HPSE2: variants seen among roughly 807,000 people sequenced by gnomAD.
The protein encoded by HPSE2 is inactive heparanase-2.
In HPSE2, 38 loss-of-function variants were observed where a neutral mutation model predicts 60.5. The observed-to-expected ratio is 0.63, with a 90% CI of 0.48 to 0.82. The LOEUF is 0.82. HPSE2 is among the 40% of genes least tolerant of loss of function. The pLI, the probability that HPSE2 is intolerant of heterozygous loss-of-function variation, is 0.00. For missense variants in HPSE2, 713 were observed against 740.4 expected (o/e 0.96, Z 0.43); for synonymous variants, 295 against 293.2 (o/e 1.01, Z -0.06).
chr10:98,610,508 C>T (rs532526732), intron 9 of HPSE2, among the ~76,000 whole-genome samples: 19 of 152,306 alleles, frequency 1.2e-4, no homozygotes, highest in South Asian at 4.1e-4. Flanking sequence ...TGACCAATGA[C>T]TATACTCCAG....
intron 9 of HPSE2, among the ~76,000 whole-genome samples, chr10:98,517,957 A>G (rs1297972860): frequency 2.0e-5 from 3 of 152,200 alleles, no homozygotes; most frequent in Non-Finnish European, 4.4e-5. Flanking sequence ...TCTTCCTTCA[A>G]TGCTTGATTA....
At chr10:98,772,127 G>C (rs1222587643) in intron 3 of HPSE2, among the ~76,000 whole-genome samples, 3 of 152,100 alleles carry the variant, frequency 2.0e-5, no homozygotes, top group Non-Finnish European at 4.4e-5. Context: ...AGGTGTCGGT[G>C]CTTAACTTCC....
chr10:99,164,823 C>T (rs1250589244), intron 2 of HPSE2, among the ~76,000 whole-genome samples: 3 of 152,038 alleles, frequency 2.0e-5, no homozygotes, highest in East Asian at 1.9e-4. Flanking sequence ...AGGTGGCTCA[C>T]GCCTGTAATC....
the HPSE2 span, among the ~76,000 whole-genome samples, chr10:99,247,296 A>C: frequency 6.6e-6 from 1 of 152,254 alleles, no homozygotes; most frequent in Non-Finnish European, 1.5e-5. Context: ...CAGGAAAACA[A>C]TCTTAGTAAG....
At chr10:99,290,269 G>T in the HPSE2 span, among the ~76,000 whole-genome samples, 38 of 152,132 alleles carry the variant, frequency 2.5e-4, no homozygotes, top group African/African-American at 8.9e-4. Context: ...GAGTGAAAAA[G>T]CTTGGAGCTT....
intron 3 of HPSE2, among the ~76,000 whole-genome samples, chr10:98,816,139 T>G (rs1245637043): frequency 1.3e-5 from 2 of 151,958 alleles, no homozygotes; most frequent in Non-Finnish European, 2.9e-5. Context: ...GTTACAAACC[T>G]GCATGTTGTG....
chr10:99,232,214 T>TGCATAC lies in HPSE2; in HGVS notation c.448+133_448+134insGTATGC, dbSNP rs766277741. 7.9e-4 allele frequency: 709 copies of TGCATAC among 898,250 alleles called. 3 individuals carry two copies. In the African/African-American group the frequency reaches 0.01, roughly 13 times the overall value. The allele number at this position is 898,250 out of a possible 1,614,324, so 55.6% of individuals were successfully genotyped here. A position where few individuals can be genotyped will look rare whatever the true frequency, so the allele number is the denominator to read the frequency against. On this transcript the variant is annotated intron_variant, in intron 2 of 11. Coordinates refer to ENST00000370552, the MANE Select transcript of HPSE2 (RefSeq NM_021828.5). ...ATCTGCCCCAACGCGCGCGCGCGCA[T>TGCATAC]ACACACACACACACACACACACACA...
Position 98,938,914 on chromosome 10 carries a change from G to A in HPSE2, c.611-194858C>T, listed in dbSNP as rs1188708030. Among the ~76,000 whole-genome samples the A allele has an allele frequency of 2.1e-5, 3 of 144,232 alleles. 1 individual carries two copies. The highest frequency in any genetic ancestry group is 8.4e-5 in the African/African-American group (3 of 35,520). 94.6% of individuals were successfully genotyped at this position (144,232 alleles called of 152,430 possible). On this transcript the variant is annotated intron_variant, in intron 3 of 11. Coordinates refer to ENST00000370552, the MANE Select transcript of HPSE2 (RefSeq NM_021828.5). ...GGCAGAAACTCTACAAGCCAGAAGA[G>A]AGTGGGAGCCAATATTCAACATTCT...
intron 3 of HPSE2, among the ~76,000 whole-genome samples, chr10:98,996,853 C>G (rs1956651630): frequency 6.6e-6 from 1 of 152,054 alleles, no homozygotes. Context: ...TGAGTGGTTG[C>G]TTAGAATTGG....
At chr10:98,717,606 G>A (rs937162829) in intron 5 of HPSE2, among the ~76,000 whole-genome samples, 18 of 151,942 alleles carry the variant, frequency 1.2e-4, no homozygotes, top group Non-Finnish European at 2.2e-4. Context: ...AGAGAGATGC[G>A]AGAATGGCTG....
At chr10:99,191,756 A>C (rs557814480) in intron 2 of HPSE2, among the ~76,000 whole-genome samples, 1 of 152,344 alleles carries the variant, frequency 6.6e-6, no homozygotes, top group South Asian at 2.1e-4. Flanking sequence ...CATCCAGGAA[A>C]ATATGACCTC....
At chr10:98,688,461 A>ATTTTTTTTTTTTTT (rs1177094247) in intron 6 of HPSE2, among the ~76,000 whole-genome samples, 1 of 50,058 alleles carries the variant, frequency 2.0e-5, no homozygotes, top group Non-Finnish European at 4.8e-5. Flanking sequence ...TTCCTTTAGC[A>ATTTTTTTTTTTTTT]TTTCTTTTTT....
At position 98,795,019 on chromosome 10, in the gene HPSE2, A is replaced by AAG. The variant is rs1554996928; in HGVS notation, c.611-50964_611-50963insCT. 5.0e-4 allele frequency among the ~76,000 whole-genome samples: 28 copies of AAG among 56,150 alleles called. 1 individual carries two copies. Among genetic ancestry groups the AAG allele is most frequent in the African/African-American group, 2.0e-3 (24 of 12,126 alleles). 36.8% of individuals were successfully genotyped at this position (56,150 alleles called of 152,430 possible). On this transcript the variant is annotated intron_variant, in intron 3 of 11. Coordinates refer to ENST00000370552, the MANE Select transcript of HPSE2 (RefSeq NM_021828.5). ...GGGGAGGGAGGAAGGAGAGAGAGAGAGAAGGAAGGAAGGAAGGAAGGAAGG... is the reference window on the plus strand; with the variant it reads ...GGGGAGGGAGGAAGGAGAGAGAGAGAAGGAAGGAAGGAAGGAAGGAAGGAAGG...
chr10:99,229,863 T>C (rs144763062), intron 2 of HPSE2, among the ~76,000 whole-genome samples: 232 of 152,344 alleles, frequency 1.5e-3, no homozygotes, highest in African/African-American at 5.3e-3. Context: ...AAGATGCTCA[T>C]GATGATAACA....
intron 2 of HPSE2, among the ~76,000 whole-genome samples, chr10:99,153,781 G>C (rs1399227143): frequency 6.6e-6 from 1 of 152,182 alleles, no homozygotes; most frequent in Non-Finnish European, 1.5e-5. Flanking sequence ...AGAGAAGAAG[G>C]CTTCAGACGA....
chr10:98,470,932 G>C (rs1220428197), intron 11 of HPSE2, among the ~76,000 whole-genome samples: 1 of 152,206 alleles, frequency 6.6e-6, no homozygotes, highest in Non-Finnish European at 1.5e-5. Flanking sequence ...GAAAAGCCTA[G>C]ATTCCTAAAC....
chr10:98,736,092 T>C (rs1207795336), intron 4 of HPSE2, among the ~76,000 whole-genome samples: 3 of 152,146 alleles, frequency 2.0e-5, no homozygotes, highest in African/African-American at 7.2e-5. Flanking sequence ...CCATGTGTTG[T>C]GGGAGGGACC....
In HPSE2 at chr10:98,579,820, C is replaced by T. The variant is rs115355389; in HGVS notation, c.1320+35084G>A. ...GGCTTTTCTCTGCTTCTTGAACTCC[C>T]ATGCCTTTATCATGTTCTCAGTTTT... is the stretch of plus-strand genomic sequence containing the variant. On this transcript the variant is annotated intron_variant, in intron 9 of 11. Transcript: ENST00000370552. Among the ~76,000 whole-genome samples, 715 of 152,288 alleles carry T rather than the reference C, an allele frequency of 4.7e-3. 8 individuals are homozygous for T. Among genetic ancestry groups the T allele is most frequent in the African/African-American group, 0.017 (686 of 41,564 alleles).
At chr10:98,499,340 C>T (rs977378679) in intron 9 of HPSE2, among the ~76,000 whole-genome samples, 4 of 152,112 alleles carry the variant, frequency 2.6e-5, no homozygotes, top group Non-Finnish European at 4.4e-5. Context: ...GGATTGGGGC[C>T]CTATCTTCAG....
Sources: allele counts gnomAD v4.1 joint callset (sites outside exome capture counted in the v4.1 genomes callset), GRCh38; gene constraint gnomAD v4.1.1; transcripts MANE v1.5; gene names NCBI Gene and HGNC (gene_info 2026-07-23, HGNC 2026-07-21).